ARSB: variants seen among roughly 807,000 people sequenced by gnomAD.
The protein encoded by ARSB is arylsulfatase B, also known as N-acetylgalactosamine-4-sulfatase.
A neutral mutation model predicts 50.9 loss-of-function variants in ARSB; 41 were observed. The observed-to-expected ratio is 0.81, with a 90% CI of 0.63 to 1.04. The LOEUF (loss-of-function observed/expected upper bound fraction) is 1.04, where lower values mean the gene tolerates loss of function less well. Among genes scored for constraint, ARSB ranks in the 50% least tolerant of loss-of-function variants. The probability of loss-of-function intolerance (pLI) is 0.00; values close to 1 mark genes in which losing one functional copy is unlikely to be tolerated. For synonymous variants in ARSB, 269 were observed against 284.8 expected (o/e 0.94, Z 0.56); for missense variants, 672 against 693.3 (o/e 0.97, Z 0.35).
At chr5:78,866,176 A>C (rs531771984) in intron 5 of ARSB, among the ~76,000 whole-genome samples, 1 of 152,300 alleles carries the variant, frequency 6.6e-6, no homozygotes, top group East Asian at 1.9e-4. Flanking sequence ...AATTTACCAA[A>C]GAAAGAGGTT....
intron 5 of ARSB, among the ~76,000 whole-genome samples, chr5:78,864,322 C>T (rs1020387970): frequency 3.3e-5 from 5 of 152,154 alleles, no homozygotes; most frequent in African/African-American, 1.2e-4. Flanking sequence ...AGGAGCAAGT[C>T]CCATCTTACA....
At position 78,883,868 on chromosome 5, in the gene ARSB, G is replaced by C. The variant is rs550030091; in HGVS notation, c.1142+1716C>G. On this transcript the variant is annotated intron_variant, in intron 5 of 7. Coordinates refer to ENST00000264914, the MANE Select transcript of ARSB (RefSeq NM_000046.5). ...CTTCCTTTGTAAAAACTAATCTTAG[G>C]CTGCTGAACCCTACTATTTTTTAAC... 9.2e-5 allele frequency: 14 copies of C among 152,124 alleles called. No homozygotes were observed. The South Asian group carries it at 2.5e-3, about 27-fold the overall frequency. 9.4% of individuals were successfully genotyped at this position (152,124 alleles called of 1,614,324 possible). A position where few individuals can be genotyped will look rare whatever the true frequency, so the allele number is the denominator to read the frequency against.
At chr5:78,887,362 T>C (rs568413252) in intron 4 of ARSB, among the ~76,000 whole-genome samples, 2 of 152,122 alleles carry the variant, frequency 1.3e-5, no homozygotes, top group South Asian at 2.1e-4. Flanking sequence ...TCCCTTGAGA[T>C]TGAGAACTCG....
At chr5:78,799,695 T>C (rs1743309231) in intron 6 of ARSB, among the ~76,000 whole-genome samples, 1 of 152,220 alleles carries the variant, frequency 6.6e-6, no homozygotes, top group Non-Finnish European at 1.5e-5. Flanking sequence ...AGAAATAGAA[T>C]GCAGGAGCCT....
chr5:78,850,163 GT>G (rs1481947073), intron 5 of ARSB, among the ~76,000 whole-genome samples: 2 of 152,210 alleles, frequency 1.3e-5, no homozygotes, highest in Non-Finnish European at 2.9e-5. Context: ...AATGCTTCCA[GT>G]TTTTGCCCAT....
intron 5 of ARSB, among the ~76,000 whole-genome samples, chr5:78,841,162 CTACTACTAA>C (rs1274285598): frequency 1.0e-5 from 1 of 97,632 alleles, no homozygotes; most frequent in Non-Finnish European, 2.3e-5. Flanking sequence ...ACTACTACTA[CTACTACTAA>C]TAATAATAAT....
chr5:78,889,801 A>G (rs1399005701), intron 4 of ARSB, among the ~76,000 whole-genome samples: 2 of 152,176 alleles, frequency 1.3e-5, no homozygotes, highest in Non-Finnish European at 2.9e-5. Context: ...TCCCCAAACA[A>G]TTTAATGTGT....
chr5:78,941,678 G>A (rs1181233770), intron 4 of ARSB, among the ~76,000 whole-genome samples: 1 of 152,100 alleles, frequency 6.6e-6, no homozygotes, highest in African/African-American at 2.4e-5. Context: ...GCTGGATTTG[G>A]TTTGCCAGTA....
intron 5 of ARSB, among the ~76,000 whole-genome samples, chr5:78,843,810 G>A (rs12522878): frequency 0.23 from 35,047 of 152,016 alleles, 4,829 homozygotes; most frequent in Admixed American, 0.31. Context: ...CACAATACTT[G>A]GCCTTTTGTG....
intron 5 of ARSB, among the ~76,000 whole-genome samples, chr5:78,882,251 G>A (rs924964868): frequency 6.6e-6 from 1 of 152,178 alleles, no homozygotes; most frequent in Non-Finnish European, 1.5e-5. Flanking sequence ...GGGAGAAGGG[G>A]TTCTGGTTTC....
intron 4 of ARSB, among the ~76,000 whole-genome samples, chr5:78,895,851 G>A (rs923548489): frequency 6.6e-6 from 1 of 152,332 alleles, no homozygotes; most frequent in Middle Eastern, 3.4e-3. Flanking sequence ...AGAGCCAGGG[G>A]AAGAGAGAGG....
At chr5:78,832,482 C>T (rs1456181382) in intron 6 of ARSB, among the ~76,000 whole-genome samples, 5 of 152,104 alleles carry the variant, frequency 3.3e-5, no homozygotes, top group African/African-American at 9.7e-5. Flanking sequence ...AGGCCATCAT[C>T]GTTTATTTAT....
intron 6 of ARSB, among the ~76,000 whole-genome samples, chr5:78,797,222 A>G (rs1042555410): frequency 1.3e-5 from 2 of 152,146 alleles, no homozygotes; most frequent in African/African-American, 2.4e-5. Flanking sequence ...TTGGTCTCCG[A>G]AAGTGCCGGG....
chr5:78,977,043 C>A (rs1026066912), intron 1 of ARSB, among the ~76,000 whole-genome samples: 1 of 152,200 alleles, frequency 6.6e-6, no homozygotes, highest in Non-Finnish European at 1.5e-5. Context: ...GCTCATACTA[C>A]CTCCTTGAAG....
Position 78,948,355 on chromosome 5 carries a change from C to T in ARSB, c.898+6940G>A, listed in dbSNP as rs137904905. Among the ~76,000 whole-genome samples, 9 of 152,066 alleles carry T rather than the reference C, an allele frequency of 5.9e-5. 1 individual carries two copies. In the East Asian group the frequency reaches 1.2e-3, roughly 20 times the overall value. On this transcript the variant is annotated intron_variant, in intron 4 of 7. Transcript: ENST00000264914. ...TGAGGGCATAGATATCCCCATTACC[C>T]AGATATGATTACTATGCATTGTGTG...
At position 78,936,706 on chromosome 5, in the gene ARSB, T is replaced by A. The variant is rs559003433; in HGVS notation, c.898+18589A>T. Among the ~76,000 whole-genome samples, 9 of 152,336 alleles carry A rather than the reference T, an allele frequency of 5.9e-5. No individual in the cohort carries two copies. The South Asian group carries it at 1.9e-3, about 32-fold the overall frequency. On this transcript the variant is annotated intron_variant, in intron 4 of 7. Coordinates refer to ENST00000264914, the MANE Select transcript of ARSB (RefSeq NM_000046.5). Reference sequence around the variant, plus strand: ...TAGTCAGCAGAGTCTTGAAGTTTGATAAGCCCTGCATAGGTCTTTATGCTT... The same window carrying A: ...TAGTCAGCAGAGTCTTGAAGTTTGAAAAGCCCTGCATAGGTCTTTATGCTT...
intron 5 of ARSB, among the ~76,000 whole-genome samples, chr5:78,850,298 C>A (rs1234930273): frequency 1.3e-5 from 2 of 152,200 alleles, no homozygotes; most frequent in Non-Finnish European, 2.9e-5. Context: ...AAGGCCTTTT[C>A]TGCATCTATT....
At chr5:78,833,050 GTA>G (rs1744764065) in intron 6 of ARSB, among the ~76,000 whole-genome samples, 1 of 152,162 alleles carries the variant, frequency 6.6e-6, no homozygotes, top group South Asian at 2.1e-4. Context: ...CAGGATAGGT[GTA>G]TATGTTTTTC....
intron 5 of ARSB, among the ~76,000 whole-genome samples, chr5:78,853,041 C>G (rs1052147867): frequency 2.6e-5 from 4 of 152,188 alleles, no homozygotes; most frequent in Non-Finnish European, 5.9e-5. Context: ...TAGTCTGAAG[C>G]CTTCTTTTCT....
Sources: gnomAD v4.1 joint callset for allele counts (sites outside exome capture counted in the v4.1 genomes callset) on GRCh38, gnomAD v4.1.1 for gene constraint, MANE v1.5 for transcripts, NCBI Gene and HGNC (gene_info 2026-07-23, HGNC 2026-07-21) for gene names.